The following ANKRD31 variants were observed in gnomAD, a reference collection of about 807,000 sequenced individuals.
The protein encoded by ANKRD31 is ankyrin repeat domain-containing protein 31.
In ANKRD31, 147 loss-of-function variants were observed where a neutral mutation model predicts 186.0. That is an observed-to-expected ratio of 0.79 (90% confidence interval 0.69 to 0.91). The LOEUF is 0.91. ANKRD31 is among the 40% of genes least tolerant of loss of function. The probability of loss-of-function intolerance (pLI) is 0.00; values close to 1 mark genes in which losing one functional copy is unlikely to be tolerated. For missense variants in ANKRD31, 1,986 were observed against 2,148.8 expected (o/e 0.92, Z 1.50); for synonymous variants, 673 against 736.4 (o/e 0.91, Z 1.39).
In ANKRD31 at chr5:75,146,946, T is replaced by C. The variant is rs1230449387; in HGVS notation, c.2465A>G (p.Gln822Arg). ...GTCAACAGATTCTAATTCCAAGCATTGAACTTCTTGACTATCTGATAAATC... is the reference window on the plus strand; with the variant it reads ...GTCAACAGATTCTAATTCCAAGCATCGAACTTCTTGACTATCTGATAAATC... ...NLDLSDSQEV[Q>R]CLELESVDQT... The change falls in exon 14 of 26, where the codon CAA becomes CGA. Residue 822 changes from glutamine (Q) to arginine (R), a missense_variant. Physicochemically the swap from Gln to Arg is conservative, Grantham distance 43. Transcript: ENST00000506364. 1 of 1,536,356 alleles carries C rather than the reference T, an allele frequency of 6.5e-7. No individual in the cohort carries two copies. The highest frequency in any genetic ancestry group is 1.2e-5 in the South Asian group (1 of 84,044).
intron 11 of ANKRD31, among the ~76,000 whole-genome samples, chr5:75,167,278 C>T (rs1456296099): frequency 1.3e-5 from 2 of 151,996 alleles, no homozygotes; most frequent in East Asian, 3.9e-4. Context: ...ATTCTAGTTC[C>T]TTCAACACTC....
chr5:75,205,973 C>T (rs989646679), intron 5 of ANKRD31, among the ~76,000 whole-genome samples: 9 of 151,632 alleles, frequency 5.9e-5, no homozygotes, highest in African/African-American at 2.2e-4. Flanking sequence ...AAATTTCAGC[C>T]CCCAAATCAC....
At chr5:75,131,952 A>C (rs1259340654) in intron 17 of ANKRD31, among the ~76,000 whole-genome samples, 2 of 152,234 alleles carry the variant, frequency 1.3e-5, no homozygotes, top group East Asian at 3.9e-4. Context: ...GAGGGTCCTG[A>C]CTGTTAGAAG....
At chr5:75,119,082 A>G (rs762572127) in intron 17 of ANKRD31, among the ~76,000 whole-genome samples, 52 of 152,226 alleles carry the variant, frequency 3.4e-4, no homozygotes, top group Non-Finnish European at 5.4e-4. Context: ...TGTGTTCTAA[A>G]TAGCAAACTT....
At chr5:75,189,766 G>A (rs1291324046) in intron 9 of ANKRD31, among the ~76,000 whole-genome samples, 1 of 152,100 alleles carries the variant, frequency 6.6e-6, no homozygotes, top group Non-Finnish European at 1.5e-5. Context: ...CCATTGTCAG[G>A]TTGAATTCCT....
chr5:75,116,537 A>C (rs1748286891), intron 19 of ANKRD31, 29 bp downstream of exon 19: 1 of 1,306,594 alleles, frequency 7.7e-7, no homozygotes, highest in African/African-American at 1.5e-5. Flanking sequence ...TTCTAAGATG[A>C]AGAACAAAGT....
intron 10 of ANKRD31, among the ~76,000 whole-genome samples, chr5:75,173,889 A>G (rs1044127644): frequency 3.4e-4 from 52 of 152,326 alleles, no homozygotes; most frequent in Admixed American, 1.9e-3. Flanking sequence ...TTTAAAGTTC[A>G]TATGGAACCA....
intron 11 of ANKRD31, among the ~76,000 whole-genome samples, chr5:75,163,172 GTTTAA>G (rs1752686115): frequency 6.6e-6 from 1 of 152,154 alleles, no homozygotes; most frequent in Non-Finnish European, 1.5e-5. Flanking sequence ...TGAAGTACAA[GTTTAA>G]TATTCTTTAT....
At chr5:75,176,250 T>C (rs913264577) in intron 10 of ANKRD31, among the ~76,000 whole-genome samples, 1 of 152,170 alleles carries the variant, frequency 6.6e-6, no homozygotes, top group Admixed American at 6.5e-5. Context: ...TCGAACTGGG[T>C]GGAGCCCACC....
chr5:75,121,533 C>T (rs757895132), intron 17 of ANKRD31, among the ~76,000 whole-genome samples: 3 of 152,080 alleles, frequency 2.0e-5, no homozygotes, highest in Non-Finnish European at 2.9e-5. Context: ...ATGAAACATT[C>T]TCCCAAATAG....
At chr5:75,121,180 TAA>T (rs369698514) in intron 17 of ANKRD31, among the ~76,000 whole-genome samples, 6 of 124,436 alleles carry the variant, frequency 4.8e-5, no homozygotes, top group Non-Finnish European at 5.3e-5. Context: ...AGACTCTATA[TAA>T]AAAAAAAAAA....
At chr5:75,160,678 G>A (rs918968427) in intron 11 of ANKRD31, among the ~76,000 whole-genome samples, 1 of 152,154 alleles carries the variant, frequency 6.6e-6, no homozygotes, top group Non-Finnish European at 1.5e-5. Context: ...TGGTGGTCTG[G>A]TTTGGCTCTG....
At chr5:75,154,826 C>T (rs1408810735) in intron 11 of ANKRD31, among the ~76,000 whole-genome samples, 2 of 151,996 alleles carry the variant, frequency 1.3e-5, no homozygotes, top group African/African-American at 4.8e-5. Flanking sequence ...CCTGTGCTGC[C>T]GCTGCTCCTC....
Position 75,116,586 on chromosome 5 carries a change from A to G in ANKRD31, c.4135T>C (p.Ser1379Pro), listed in dbSNP as rs371570154. 1.4e-3 allele frequency: 2,062 copies of G among 1,441,748 alleles called. 10 individuals are homozygous for G. The highest frequency in any genetic ancestry group is 1.7e-3 in the Non-Finnish European group (1,850 of 1,091,774). 89.3% of individuals were successfully genotyped at this position (1,441,748 alleles called of 1,614,324 possible). The change falls in exon 19 of 26, where the codon TCA becomes CCA. Residue 1379 changes from serine to proline, a missense_variant. By Grantham distance (74) the Ser-to-Pro change is moderately conservative (BLOSUM62 -1). Transcript: ENST00000506364. ...DSSSLSHQER[S>P]RESLSVHQTL... ...CTCACCACAGAAAGGCTTTCTCTTG[A>G]TCTTTCTTGGTGTGAAAGGGAAGAT... is the stretch of plus-strand genomic sequence containing the variant.
At position 75,104,359 on chromosome 5, in the gene ANKRD31, C is replaced by T. The variant is rs923353155; in HGVS notation, c.5200G>A (p.Gly1734Arg). Reference protein sequence around the residue: ...DSQISSSSGSGQQDTIKKALN... With the variant: ...DSQISSSSGSRQQDTIKKALN... ...GCCTTTTTTATTGTATCTTGTTGCC[C>T]AGATCCAGAGGAAGAGGAGATCTGA... Residue 1734 changes from glycine to arginine, a missense_variant, in exon 22 of 26, where the codon GGG becomes AGG. Transcript: ENST00000506364. 2 of 1,537,068 alleles carry T rather than the reference C, an allele frequency of 1.3e-6. No individual in the cohort carries two copies. The highest frequency in any genetic ancestry group is 1.7e-6 in the Non-Finnish European group (2 of 1,146,890).
At chr5:75,217,071 G>C (rs1377846921) in intron 3 of ANKRD31, among the ~76,000 whole-genome samples, 1 of 152,088 alleles carries the variant, frequency 6.6e-6, no homozygotes, top group Non-Finnish European at 1.5e-5. Flanking sequence ...TATTTTTATT[G>C]AGCTGTGGTC....
chr5:75,163,135 G>C (rs1426852838), intron 11 of ANKRD31, among the ~76,000 whole-genome samples: 3 of 152,128 alleles, frequency 2.0e-5, no homozygotes, highest in Non-Finnish European at 2.9e-5. Context: ...TATTCCATTA[G>C]GGATGAAGAG....
intron 15 of ANKRD31, among the ~76,000 whole-genome samples, chr5:75,140,086 C>T (rs930999116): frequency 1.3e-5 from 2 of 151,930 alleles, no homozygotes; most frequent in Non-Finnish European, 2.9e-5. Context: ...TGCCTGTAAT[C>T]ACAGCTACTC....
chr5:75,233,529 C>G (rs965945827), intron 1 of ANKRD31, among the ~76,000 whole-genome samples: 4 of 151,596 alleles, frequency 2.6e-5, no homozygotes, highest in African/African-American at 9.7e-5. Context: ...GAATTTCTGC[C>G]CCTACTAAAA....
Sources: gnomAD v4.1 joint callset for allele counts (sites outside exome capture counted in the v4.1 genomes callset) on GRCh38, gnomAD v4.1.1 for gene constraint, MANE v1.5 for transcripts, NCBI Gene and HGNC (gene_info 2026-07-23, HGNC 2026-07-21) for gene names.